The following CDH13 variants were observed in gnomAD, a reference collection of about 807,000 sequenced individuals.
CDH13 encodes the protein cadherin 13, also known as cadherin-13.
CDH13 carries 24 observed loss-of-function variants against 63.8 expected under a neutral mutation model. That is an observed-to-expected ratio of 0.38 (90% CI 0.27 to 0.53). The LOEUF (loss-of-function observed/expected upper bound fraction) is 0.53, where lower values mean the gene tolerates loss of function less well. Among genes scored for constraint, CDH13 ranks in the 20% least tolerant of loss-of-function variants. CDH13 has a pLI of 0.85. For missense variants in CDH13, 1,049 were observed against 903.1 expected (o/e 1.16, Z -2.07); for synonymous variants, 503 against 355.3 (o/e 1.42, Z -4.67).
chr16:83,260,403 T>C (rs1906842492), intron 5 of CDH13, among the ~76,000 whole-genome samples: 2 of 152,294 alleles, frequency 1.3e-5, no homozygotes, highest in Admixed American at 6.5e-5. Flanking sequence ...ATTAAATTTT[T>C]TATTAGTATC....
chr16:82,755,537 G>A (rs2325685), intron 1 of CDH13, among the ~76,000 whole-genome samples: 7,221 of 152,242 alleles, frequency 0.047, 183 homozygotes, highest in Middle Eastern at 0.058. Flanking sequence ...TTTCTGAAAT[G>A]TTTTAAAACT....
At chr16:83,717,463 G>T (rs574558100) in intron 10 of CDH13, among the ~76,000 whole-genome samples, 4 of 152,176 alleles carry the variant, frequency 2.6e-5, no homozygotes, top group Non-Finnish European at 5.9e-5. Flanking sequence ...TCTGTCTCAG[G>T]AAACAGGCTC....
At chr16:83,450,686 T>C (rs1449636328) in intron 6 of CDH13, among the ~76,000 whole-genome samples, 1 of 152,078 alleles carries the variant, frequency 6.6e-6, no homozygotes, top group Non-Finnish European at 1.5e-5. Context: ...CTGGCTAACA[T>C]AGTGAAACCC....
chr16:83,439,743 A>T (rs2072429357), intron 6 of CDH13, among the ~76,000 whole-genome samples: 1 of 152,188 alleles, frequency 6.6e-6, no homozygotes, highest in Non-Finnish European at 1.5e-5. Context: ...TATTCTCTGA[A>T]ATCATGTTTG....
At chr16:82,765,506 AC>A (rs1413897269) in intron 1 of CDH13, among the ~76,000 whole-genome samples, 1 of 151,836 alleles carries the variant, frequency 6.6e-6, no homozygotes, top group Non-Finnish European at 1.5e-5. Flanking sequence ...CCCACCAACC[AC>A]CCCGTGAGCC....
intron 7 of CDH13, among the ~76,000 whole-genome samples, chr16:83,565,260 A>G (rs1370506202): frequency 2.0e-5 from 3 of 151,732 alleles, no homozygotes; most frequent in Non-Finnish European, 4.4e-5. Context: ...CCAGACTCCT[A>G]CTGGATGCCA....
chr16:82,797,212 A>T (rs2036624773), intron 1 of CDH13, among the ~76,000 whole-genome samples: 1 of 152,176 alleles, frequency 6.6e-6, no homozygotes, highest in Non-Finnish European at 1.5e-5. Flanking sequence ...GTTGCTTCTG[A>T]ATACGGTTTG....
intron 6 of CDH13, among the ~76,000 whole-genome samples, chr16:83,375,438 C>T (rs1212328976): frequency 6.6e-6 from 1 of 152,172 alleles, no homozygotes; most frequent in East Asian, 1.9e-4. Flanking sequence ...AAAAATTGTA[C>T]TCATTCTGCT....
At chr16:83,669,476 A>C (rs1374525689) in intron 8 of CDH13, among the ~76,000 whole-genome samples, 1 of 152,170 alleles carries the variant, frequency 6.6e-6, no homozygotes, top group East Asian at 1.9e-4. Flanking sequence ...AGATCAAAAT[A>C]ATTGCACCCT....
intron 6 of CDH13, among the ~76,000 whole-genome samples, chr16:83,387,215 C>T (rs1278485855): frequency 6.6e-6 from 1 of 152,138 alleles, no homozygotes; most frequent in South Asian, 2.1e-4. Flanking sequence ...CATTCTTATG[C>T]TCACTTGAGA....
rs540922901 is a variant in CDH13 at position 83,797,184 on chromosome 16, G to A, written c.*2154G>A. 3 of 152,362 alleles carry A rather than the reference G, an allele frequency of 2.0e-5. No individual in the cohort carries two copies. The highest frequency in any genetic ancestry group is 2.1e-4 in the South Asian group (1 of 4,824). The allele number at this position is 152,362 out of a possible 1,614,324, so 9.4% of individuals were successfully genotyped here. On this transcript the variant is annotated 3_prime_UTR_variant, in exon 14 of 14. Transcript: ENST00000567109. ...AAAGAGCATCCTCAGCCAGTCAGGC[G>A]GCTGGTAGCCGGACACATATGCTAA...
chr16:83,704,147 C>T (rs35784951), intron 10 of CDH13, among the ~76,000 whole-genome samples: 28,957 of 152,052 alleles, frequency 0.19, 3,307 homozygotes, highest in African/African-American at 0.33. Context: ...CCCTTTTCAC[C>T]TGAAGCTGTG....
intron 2 of CDH13, chr16:82,884,162 T>C (rs1158904369): frequency 2.2e-6 from 1 of 455,532 alleles, no homozygotes. Flanking sequence ...TTCCTTATGC[T>C]GTTTCTTTCC....
At chr16:83,243,483 C>G (rs1904681035) in intron 5 of CDH13, among the ~76,000 whole-genome samples, 1 of 152,130 alleles carries the variant, frequency 6.6e-6, no homozygotes. Flanking sequence ...CTCACCTGGT[C>G]TCTCCCACAA....
intron 10 of CDH13, among the ~76,000 whole-genome samples, chr16:83,706,527 C>T (rs764746073): frequency 2.6e-5 from 4 of 152,284 alleles, no homozygotes; most frequent in African/African-American, 4.8e-5. Context: ...AGCTTCATTG[C>T]TCATTAGCTC....
intron 6 of CDH13, among the ~76,000 whole-genome samples, chr16:83,461,803 T>A (rs1218975008): frequency 6.6e-6 from 1 of 152,208 alleles, no homozygotes; most frequent in Non-Finnish European, 1.5e-5. Context: ...GAGGGGAATG[T>A]ATAAGAGCTA....
intron 3 of CDH13, among the ~76,000 whole-genome samples, chr16:83,055,774 A>C (rs1489575986): frequency 6.6e-6 from 1 of 152,136 alleles, no homozygotes; most frequent in Non-Finnish European, 1.5e-5. Context: ...CTTCTTTGCA[A>C]TAACTGACAT....
intron 11 of CDH13, among the ~76,000 whole-genome samples, chr16:83,754,173 A>G (rs974904268): frequency 5.3e-5 from 8 of 152,208 alleles, no homozygotes; most frequent in Non-Finnish European, 2.9e-5. Flanking sequence ...GAGACCTACC[A>G]AAGGAAGCAA....
rs189245741 is a variant in CDH13, at chr16:82,766,295, C to T, written c.46-92067C>T. ...AGAATAATTTGCAAAACCCGTAAAT[C>T]CGTAGCTGATATATTTAACACCAGG... On this transcript the variant is annotated intron_variant, in intron 1 of 13. Coordinates refer to ENST00000567109, the MANE Select transcript of CDH13 (RefSeq NM_001257.5). Among the ~76,000 whole-genome samples the T allele has an allele frequency of 2.0e-4, 30 of 152,258 alleles. No individual in the cohort carries two copies. The East Asian group carries it at 5.6e-3, about 28-fold the overall frequency.
Sources: allele counts gnomAD v4.1 joint callset (sites outside exome capture counted in the v4.1 genomes callset), GRCh38; gene constraint gnomAD v4.1.1; transcripts MANE v1.5; gene names NCBI Gene and HGNC (gene_info 2026-07-23, HGNC 2026-07-21).